Variants in BPTF observed in about 807,000 individuals in gnomAD.
BPTF encodes the protein bromodomain PHD finger transcription factor.
BPTF carries 18 observed loss-of-function variants against 292.5 expected under a neutral mutation model. The observed-to-expected ratio is 0.06, with a 90% confidence interval of 0.04 to 0.09. BPTF has a LOEUF of 0.09. Ranked by LOEUF, BPTF falls within the 10% of genes least tolerant of loss-of-function variation. The pLI is 1.00. For missense variants in BPTF, 2,726 were observed against 3,498.7 expected (o/e 0.78, Z 5.57); for synonymous variants, 1,225 against 1,251.9 (o/e 0.98, Z 0.45).
intron 24 of BPTF, among the ~76,000 whole-genome samples, chr17:67,962,706 G>A (rs1258255000): frequency 1.7e-4 from 26 of 152,150 alleles, no homozygotes; most frequent in African/African-American, 6.0e-4. Context: ...TTTTTAATTC[G>A]ATTAAATTCC....
At position 67,928,400 on chromosome 17, in the gene BPTF, A is replaced by G. The variant is rs1378895448; in HGVS notation, c.5797A>G (p.Thr1933Ala). 9 of 1,613,728 alleles carry G rather than the reference A, an allele frequency of 5.6e-6. No homozygotes were observed. Among genetic ancestry groups the G allele is most frequent in the Admixed American group, 3.3e-5 (2 of 59,940 alleles). ...QKPTVIATST[T>A]SPTSSTTSTI... is the part of the protein sequence containing the mutation. ...GCCGACAGTGATTGCAACTTCCACT[A>G]CTTCCCCAACAAGCAGTACAACCAG... Residue 1933 changes from threonine to alanine, a missense_variant, in exon 16 of 28, where the codon ACT becomes GCT. Around this residue, in one of 22 missense-constraint regions of BPTF, gnomAD observed 198 missense variants for 277.1 expected, o/e 0.71. Coordinates refer to ENST00000306378, the MANE Select transcript of BPTF (RefSeq NM_182641.4).
intron 3 of BPTF, among the ~76,000 whole-genome samples, chr17:67,868,603 A>G (rs746938280): frequency 2.0e-5 from 3 of 152,222 alleles, no homozygotes; most frequent in Non-Finnish European, 4.4e-5. Flanking sequence ...TAGCTTAGAT[A>G]AAATTATTAG....
intron 19 of BPTF, among the ~76,000 whole-genome samples, chr17:67,942,532 A>T (rs1207000085): frequency 6.6e-6 from 1 of 152,192 alleles, no homozygotes; most frequent in African/African-American, 2.4e-5. Flanking sequence ...TGGTGGGCCT[A>T]TCAGTCGGTT....
intron 2 of BPTF, among the ~76,000 whole-genome samples, chr17:67,857,419 C>G (rs2058764003): frequency 6.6e-6 from 1 of 151,918 alleles, no homozygotes; most frequent in African/African-American, 2.4e-5. Context: ...CTCGGCCTCC[C>G]AAAGTGCTGG....
At chr17:67,934,820 CAA>C (rs2064768766) in intron 18 of BPTF, among the ~76,000 whole-genome samples, 1 of 124,010 alleles carries the variant, frequency 8.1e-6, no homozygotes, top group East Asian at 2.4e-4. Flanking sequence ...CATGGTGAGC[CAA>C]GATGGTGCCA....
chr17:67,855,231 G>A (rs2058620106), intron 2 of BPTF, among the ~76,000 whole-genome samples: 1 of 152,180 alleles, frequency 6.6e-6, no homozygotes, highest in Non-Finnish European at 1.5e-5. Context: ...AACCTGGGAG[G>A]CAGGGGCTGC....
rs546588637 is a variant in BPTF at position 67,866,841 on chromosome 17, C to CA, written c.1660+156dup. Among the ~76,000 whole-genome samples, 814 of 152,288 alleles carry CA rather than the reference C, an allele frequency of 5.3e-3. 10 individuals carry two copies. Among genetic ancestry groups the CA allele is most frequent in the African/African-American group, 0.019 (772 of 41,552 alleles). On this transcript the variant is annotated intron_variant, in intron 3 of 27. Transcript: ENST00000306378. ...ACATTCTGAAAAATGTGTCATTTGACAATGTCATCATTGTATGAACATCAT... is the reference window on the plus strand; with the variant it reads ...ACATTCTGAAAAATGTGTCATTTGACAAATGTCATCATTGTATGAACATCAT...
Position 67,945,942 on chromosome 17 carries a change from C to G in BPTF, c.7234C>G (p.Gln2412Glu). The G allele has an allele frequency of 6.2e-7, 1 of 1,614,176 alleles. No individual in the cohort carries two copies. Among genetic ancestry groups the G allele is most frequent in the Non-Finnish European group, 8.5e-7 (1 of 1,180,030 alleles). ...QTLSSGQTLN[Q>E]VTVSSPSRPQ... ...TCTTTCATCAGGACAAACTTTAAAT[C>G]AAGTTACTGTTTCATCCCCATCCCG... is the stretch of plus-strand genomic sequence containing the variant. The change falls in exon 21 of 28, where the codon CAA becomes GAA. Residue 2412 changes from glutamine (Q) to glutamate (E), a missense_variant. Physicochemically the swap from Gln to Glu is conservative, Grantham distance 29. Coordinates refer to ENST00000306378, the MANE Select transcript of BPTF (RefSeq NM_182641.4).
chr17:67,968,792 A>AG (rs1358216004), intron 26 of BPTF, among the ~76,000 whole-genome samples: 21 of 150,376 alleles, frequency 1.4e-4, no homozygotes, highest in Non-Finnish European at 1.5e-4. Flanking sequence ...GTCTCAAAAA[A>AG]AAAAAAGAAA....
At position 67,966,559 on chromosome 17, in the gene BPTF, T is replaced by C; in HGVS notation, c.8455-13T>C. On this transcript the variant is annotated splice_polypyrimidine_tract_variant and intron_variant, in intron 25 of 27. Coordinates refer to ENST00000306378, the MANE Select transcript of BPTF (RefSeq NM_182641.4). ...TTTTCACTGACAATAATGATGCTGC[T>C]TTTTCATTATAGGCCCATAAGATGG... The C allele has an allele frequency of 1.2e-6, 2 of 1,606,502 alleles. No individual in the cohort carries two copies. Among genetic ancestry groups the C allele is most frequent in the Non-Finnish European group, 1.7e-6 (2 of 1,173,700 alleles).
chr17:67,912,811 A>C lies in BPTF; in HGVS notation c.4927A>C (p.Ser1643Arg), dbSNP rs538862924. The change falls in exon 11 of 28, where the codon AGT (serine) becomes CGT (arginine). Residue 1643 changes from serine (S) to arginine (R), a missense_variant. Transcript: ENST00000306378. The part of the protein sequence containing the change: ...TKLSTPSTGG[S>R]VDIISVKEQS... ...GCTTTCCACACCCTCCACAGGCGGC[A>C]GTGTGGACATCATCTCTGTAAAGGA... 1.5e-5 allele frequency: 24 copies of C among 1,614,186 alleles called. No homozygotes were observed. In the African/African-American group the frequency reaches 1.7e-4, roughly 12 times the overall value.
At chr17:67,894,297 A>T in intron 7 of BPTF, 132 bp downstream of exon 7, 1 of 876,572 alleles carries the variant, frequency 1.1e-6, no homozygotes, top group Non-Finnish European at 1.7e-6. Flanking sequence ...TTTTCTTCCT[A>T]TATAAGTTGT....
At chr17:67,904,337 G>A (rs2062038814) in intron 8 of BPTF, among the ~76,000 whole-genome samples, 1 of 152,036 alleles carries the variant, frequency 6.6e-6, no homozygotes. Flanking sequence ...GCCTACTTTT[G>A]ACATAGTCTT....
At chr17:67,875,692 C>G in intron 4 of BPTF, 1 of 1,605,932 alleles carries the variant, frequency 6.2e-7, no homozygotes, top group Non-Finnish European at 8.5e-7. Flanking sequence ...CCCCCGATAG[C>G]AGCAACATGG....
intron 18 of BPTF, among the ~76,000 whole-genome samples, chr17:67,932,325 CAT>C (rs1221273320): frequency 1.3e-5 from 2 of 152,142 alleles, no homozygotes; most frequent in Non-Finnish European, 2.9e-5. Flanking sequence ...AGCAAAGAAA[CAT>C]ATAAAACAAA....
Position 67,959,630 on chromosome 17 carries a change from A to G in BPTF, c.8016A>G (p.Pro2672=), listed in dbSNP as rs1555682763. Residue 2672 remains proline, a synonymous_variant, in exon 24 of 28, where the codon CCA becomes CCG. Coordinates refer to ENST00000306378, the MANE Select transcript of BPTF (RefSeq NM_182641.4). ...QATAVAAPCP[P]VTPAPPAPPA... ...CAGCAGTAGCTGCACCCTGCCCCCC[A>G]GTGACACCAGCTCCTCCAGCCCCTC... 3.1e-6 allele frequency: 5 copies of G among 1,592,796 alleles called. No individual in the cohort carries two copies. The highest frequency in any genetic ancestry group is 1.8e-5 in the Admixed American group (1 of 55,190).
chr17:67,951,961 A>G (rs1248781731), intron 23 of BPTF, among the ~76,000 whole-genome samples: 2 of 148,634 alleles, frequency 1.3e-5, no homozygotes, highest in African/African-American at 4.9e-5. Flanking sequence ...AGGATCAGGC[A>G]GGAGAATCAC....
chr17:67,886,269 A>T, intron 4 of BPTF: 1 of 1,614,092 alleles, frequency 6.2e-7, no homozygotes, highest in East Asian at 2.2e-5. Context: ...GATCCTGAAA[A>T]TGGAGAAAGA....
chr17:67,883,316 A>AAATAAT (rs147586034), intron 4 of BPTF, among the ~76,000 whole-genome samples: 1 of 151,828 alleles, frequency 6.6e-6, no homozygotes, highest in African/African-American at 2.4e-5. Flanking sequence ...ACTCCATCTA[A>AAATAAT]AATAATAATA....
Sources: gnomAD v4.1 joint callset for allele counts (sites outside exome capture counted in the v4.1 genomes callset) on GRCh38, gnomAD v4.1.1 for gene constraint, gnomAD v4.1.1 regional missense constraint, MANE v1.5 for transcripts, NCBI Gene and HGNC (gene_info 2026-07-23, HGNC 2026-07-21) for gene names.